Variants in FXYD2 observed in about 807,000 individuals in gnomAD.
FXYD2 encodes FXYD domain containing ion transport regulator 2.
In FXYD2, 8 loss-of-function variants were observed where a neutral mutation model predicts 11.8. That is an observed-to-expected ratio of 0.68 (90% CI 0.40 to 1.22). The LOEUF is 1.22. Ranked by LOEUF, FXYD2 falls within the 50% of genes most tolerant of loss-of-function variation. The probability of loss-of-function intolerance (pLI) is 0.01; values close to 1 mark genes in which losing one functional copy is unlikely to be tolerated. For synonymous variants in FXYD2, 42 were observed against 33.3 expected (o/e 1.26, Z -0.90); for missense variants, 92 against 91.8 (o/e 1.00, Z -0.01).
intron 4 of FXYD2, 41 bp downstream of exon 4, chr11:117,820,818 C>T (rs2055882291): frequency 1.2e-6 from 2 of 1,614,006 alleles, no homozygotes; most frequent in Non-Finnish European, 1.7e-6. Context: ...CCTCCTTCTC[C>T]AGCCCCAACC....
intron 3 of FXYD2, 38 bp from the exon 4 acceptor site, chr11:117,820,933 AT>A (rs1356155739): frequency 1.2e-6 from 2 of 1,613,712 alleles, no homozygotes; most frequent in Non-Finnish European, 1.7e-6. Context: ...CCATGGACTA[AT>A]TTTCCAAGGA....
At position 117,820,704 on chromosome 11, in the gene FXYD2, G is replaced by T; in HGVS notation, c.177-8C>A. On this transcript the variant is annotated splice_polypyrimidine_tract_variant and splice_region_variant and intron_variant, in intron 4 of 5. Transcript: ENST00000292079. ...TCATCTTCATTGATTTGCCTGGTGG[G>T]GGAAGGAAAAGCAACAGGTGAGAGG... 1 of 1,614,058 alleles carries T rather than the reference G, an allele frequency of 6.2e-7. No homozygotes were observed. The highest frequency in any genetic ancestry group is 1.1e-5 in the South Asian group (1 of 91,076).
chr11:117,820,748 C>A (rs951698484), intron 4 of FXYD2, 52 bp from the exon 5 acceptor site: 2 of 1,613,046 alleles, frequency 1.2e-6, no homozygotes, highest in South Asian at 2.2e-5. Context: ...AGGGGTGGGT[C>A]TAGGGATCTC....
intron 1 of FXYD2, among the ~76,000 whole-genome samples, chr11:117,823,137 T>TAAAGTTTATCAGACCTC (rs1180047015): frequency 8.5e-5 from 13 of 152,248 alleles, no homozygotes; most frequent in African/African-American, 2.9e-4. Flanking sequence ...AACAGAACCT[T>TAAAGTTTATCAGACCTC]AAAGTTTATC....
rs1230705614 is a variant in FXYD2 at position 117,820,158 on chromosome 11, C to G, written c.*221G>C. 1 of 156,830 alleles carries G rather than the reference C, an allele frequency of 6.4e-6. No individual in the cohort carries two copies. The highest frequency in any genetic ancestry group is 1.4e-5 in the Non-Finnish European group (1 of 71,132). 9.7% of individuals were successfully genotyped at this position (156,830 alleles called of 1,614,324 possible). On this transcript the variant is annotated 3_prime_UTR_variant, in exon 6 of 6. Coordinates refer to ENST00000292079, the MANE Select transcript of FXYD2 (RefSeq NM_001680.5). ...GCAGGCAGGTGAGGGAAGCAGCGGT[C>G]TCTGACGCCGGCTTTATTATAAGCA... is the stretch of plus-strand genomic sequence containing the variant.
At chr11:117,820,786 G>C in intron 4 of FXYD2, 73 bp downstream of exon 4, 1 of 1,613,644 alleles carries the variant, frequency 6.2e-7, no homozygotes, top group Non-Finnish European at 8.5e-7. Flanking sequence ...CACTGTGTCA[G>C]AGACAAAATC....
At chr11:117,827,939 C>T, upstream of FXYD2, 1 of 1,189,084 alleles carries the variant, frequency 8.4e-7, no homozygotes, top group Non-Finnish European at 1.2e-6. Context: ...AGGGACGGGG[C>T]TGGCACCTGT....
chr11:117,827,654 A>C (rs531126485), upstream of FXYD2, among the ~76,000 whole-genome samples: 1 of 152,314 alleles, frequency 6.6e-6, no homozygotes, highest in Admixed American at 6.5e-5. Flanking sequence ...AAGTTAAATA[A>C]CTTGCCAGAG....
chr11:117,820,461 G>A, intron 5 of FXYD2, 89 bp from the exon 6 acceptor site: 1 of 615,968 alleles, frequency 1.6e-6, no homozygotes, highest in East Asian at 2.8e-5. Context: ...TTTTCTCCAG[G>A]GCTCCTCTGT....
upstream of FXYD2, among the ~76,000 whole-genome samples, chr11:117,826,778 G>GTCTA (rs150585221): frequency 0.031 from 3,850 of 125,764 alleles, 66 homozygotes; most frequent in African/African-American, 0.05. Flanking sequence ...CTGTCTGTCT[G>GTCTA]TCTATCTATC....
chr11:117,821,754 G>T (rs564231903), intron 3 of FXYD2: 1,131 of 988,534 alleles, frequency 1.1e-3, no homozygotes, highest in Non-Finnish European at 1.3e-3. Context: ...GGGGAGACCC[G>T]CAGGACTGTG....
intron 3 of FXYD2, chr11:117,821,304 T>G: frequency 1.5e-5 from 14 of 957,934 alleles, no homozygotes; most frequent in Non-Finnish European, 1.7e-5. Flanking sequence ...CAAGAGATCC[T>G]CCTGCCTTGG....
rs1354667193 is a variant in FXYD2 at position 117,824,248 on chromosome 11, C to T, written c.25+406G>A. 9.8e-6 allele frequency: 3 copies of T among 306,886 alleles called. No individual in the cohort carries two copies. The highest frequency in any genetic ancestry group is 1.9e-5 in the Non-Finnish European group (3 of 158,448). 19.0% of individuals were successfully genotyped at this position (306,886 alleles called of 1,614,324 possible). ...TTTGGAGAGTGTGACTTGAACTTGG[C>T]GGGCTCTCACCCCAAATCCAGCCTA... On this transcript the variant is annotated intron_variant, in intron 1 of 5. Transcript: ENST00000292079. This position sits in a 1 kb window ranked among gnomAD's most constrained non-coding sequence, Gnocchi z 4.0.
chr11:117,820,349 G>A lies in FXYD2; in HGVS notation c.*30C>T. On this transcript the variant is annotated 3_prime_UTR_variant, in exon 6 of 6. Coordinates refer to ENST00000292079, the MANE Select transcript of FXYD2 (RefSeq NM_001680.5). ...ATGCTTGGCTTCCCAGCTGGCCCCA[G>A]TGCAGTGGGTGGCACCGCCGAGGCT... 2.2e-6 allele frequency: 1 copy of A among 448,482 alleles called. No homozygotes were observed. Among genetic ancestry groups the A allele is most frequent in the African/African-American group, 2.0e-5 (1 of 50,862 alleles). 27.8% of individuals were successfully genotyped at this position (448,482 alleles called of 1,614,324 possible).
rs372484079 is a variant in FXYD2 at position 117,824,629 on chromosome 11, C to G, written c.25+25G>C. ...AGAGCCACCCAGCATTGCACACGCC[C>G]GGGCACGCACACCAGCACACTCACC... On this transcript the variant is annotated intron_variant, in intron 1 of 5. Coordinates refer to ENST00000292079, the MANE Select transcript of FXYD2 (RefSeq NM_001680.5). This position sits in a 1 kb window ranked among gnomAD's most constrained non-coding sequence, Gnocchi z 4.0. 6.2e-7 allele frequency: 1 copy of G among 1,602,058 alleles called. No homozygotes were observed. Among genetic ancestry groups the G allele is most frequent in the South Asian group, 1.1e-5 (1 of 90,820 alleles).
chr11:117,822,785 A>G lies in FXYD2; in HGVS notation c.26-68T>C. 6.3e-7 allele frequency: 1 copy of G among 1,577,272 alleles called. No homozygotes were observed. The highest frequency in any genetic ancestry group is 1.3e-5 in the African/African-American group (1 of 74,748). On this transcript the variant is annotated intron_variant, in intron 1 of 5. Transcript: ENST00000292079. The surrounding 1 kb of genome is among the most constrained non-coding windows in gnomAD (Gnocchi z 4.7). The stretch of plus-strand genomic sequence containing the variant: ...TGAGCCAGCCACAGGAACAGCTGGA[A>G]TTCCCTGTCCTTCCCTTCCCAGAGG...
At chr11:117,823,793 T>G (rs963110799) in intron 1 of FXYD2, among the ~76,000 whole-genome samples, 1 of 152,184 alleles carries the variant, frequency 6.6e-6, no homozygotes, top group Non-Finnish European at 1.5e-5. Flanking sequence ...ACTGTGCCCC[T>G]GAGCAGCAGT....
At chr11:117,821,707 C>A in intron 3 of FXYD2, 1 of 960,576 alleles carries the variant, frequency 1.0e-6, no homozygotes, top group Non-Finnish European at 1.2e-6. Flanking sequence ...GGCAGTGGCA[C>A]ACGTAGAGAG....
chr11:117,826,780 C>CTA (rs2056045812), upstream of FXYD2, among the ~76,000 whole-genome samples: 171 of 52,310 alleles, frequency 3.3e-3, no homozygotes, highest in African/African-American at 9.4e-3. Flanking sequence ...GTCTGTCTGT[C>CTA]TATCTATCTA....
Sources: gnomAD v4.1 joint callset for allele counts (sites outside exome capture counted in the v4.1 genomes callset) on GRCh38, gnomAD v4.1.1 for gene constraint, Gnocchi (gnomAD v3.1) non-coding constraint, MANE v1.5 for transcripts, NCBI Gene and HGNC (gene_info 2026-07-23, HGNC 2026-07-21) for gene names.